MYO7B: variants seen among roughly 807,000 people sequenced by gnomAD.
MYO7B encodes myosin VIIB.
MYO7B carries 212 observed loss-of-function variants against 259.7 expected under a neutral mutation model. That is an observed-to-expected ratio of 0.82 (90% CI 0.73 to 0.91). The LOEUF (loss-of-function observed/expected upper bound fraction) is 0.91, where lower values mean the gene tolerates loss of function less well. Ranked by LOEUF, MYO7B falls within the 40% of genes least tolerant of loss-of-function variation. The pLI is 0.00. For missense variants in MYO7B, 2,732 were observed against 2,813.5 expected (o/e 0.97, Z 0.66); for synonymous variants, 1,197 against 1,166.4 (o/e 1.03, Z -0.54).
chr2:127,631,863 C>G, intron 38 of MYO7B, 110 bp downstream of exon 38: 1 of 1,370,250 alleles, frequency 7.3e-7, no homozygotes, highest in Non-Finnish European at 9.8e-7. Context: ...GGCAGAACCC[C>G]TGCCTGGGCT....
chr2:127,631,798 C>A (rs538624878), intron 38 of MYO7B, 45 bp downstream of exon 38: 2 of 1,592,868 alleles, frequency 1.3e-6, no homozygotes, highest in African/African-American at 1.3e-5. Context: ...CCTCAGTCCT[C>A]ATCCCGGCCC....
Position 127,634,592 on chromosome 2 carries a change from C to A in MYO7B, c.5626-4C>A, listed in dbSNP as rs747563849. The A allele has an allele frequency of 2.5e-6, 4 of 1,610,216 alleles. No individual in the cohort carries two copies. Among genetic ancestry groups the A allele is most frequent in the Non-Finnish European group, 3.4e-6 (4 of 1,178,254 alleles). On this transcript the variant is annotated splice_polypyrimidine_tract_variant and splice_region_variant and intron_variant, in intron 41 of 47. Coordinates refer to ENST00000409816, the MANE Select transcript of MYO7B (RefSeq NM_001393586.1). Reference sequence around the variant, plus strand: ...CAACTTCCCTGTACCTTCCCCTTCCCCAGGTCATCAGCCAGAAGGAGGGAG... The same window carrying A: ...CAACTTCCCTGTACCTTCCCCTTCCACAGGTCATCAGCCAGAAGGAGGGAG...
rs763408270 is a variant in MYO7B at position 127,627,252 on chromosome 2, CAGG to C, written c.4405_4407del (p.Glu1469del). The stretch of plus-strand genomic sequence containing the variant: ...GAAGGGGCTTTGCTTCCTGGACCAG[CAGG>C]AGAAGATGCTGCTGGAACTCTCTTT... On this transcript the variant is annotated inframe_deletion, in exon 33 of 48. Transcript: ENST00000409816. The surrounding 1 kb of genome is among the most constrained non-coding windows in gnomAD (Gnocchi z 5.6). The C allele has an allele frequency of 9.3e-6, 15 of 1,612,252 alleles. No individual in the cohort carries two copies. Among genetic ancestry groups the C allele is most frequent in the African/African-American group, 5.3e-5 (4 of 74,900 alleles).
chr2:127,581,849 C>T, intron 10 of MYO7B, 42 bp from the exon 11 acceptor site: 1 of 1,611,180 alleles, frequency 6.2e-7, no homozygotes, highest in Non-Finnish European at 8.5e-7. Flanking sequence ...TGGGCCAGGC[C>T]CTGCTCCACA....
At chr2:127,620,576 C>G in intron 27 of MYO7B, 110 bp downstream of exon 27, 3 of 1,290,528 alleles carry the variant, frequency 2.3e-6, no homozygotes, top group Non-Finnish European at 3.1e-6. Flanking sequence ...GCCCATTTCT[C>G]CTGCTCCTGC....
At chr2:127,632,164 C>T in intron 38 of MYO7B, 82 bp from the exon 39 acceptor site, 3 of 1,485,518 alleles carry the variant, frequency 2.0e-6, no homozygotes, top group Non-Finnish European at 1.8e-6. Context: ...GCAGCTCTCA[C>T]ATCCGTCCCT....
chr2:127,564,401 AT>A, intron 3 of MYO7B, 135 bp downstream of exon 3: 2 of 605,378 alleles, frequency 3.3e-6, no homozygotes, highest in Non-Finnish European at 5.8e-6. Flanking sequence ...GGCAGGACAG[AT>A]CACGGTGGAG....
Position 127,631,758 on chromosome 2 carries a change from G to A in MYO7B, c.5249+5G>A. The A allele has an allele frequency of 2.5e-6, 4 of 1,611,550 alleles. No homozygotes were observed. Among genetic ancestry groups the A allele is most frequent in the Non-Finnish European group, 3.4e-6 (4 of 1,179,252 alleles). ...GCTGACGCACAACTCCAACAGGTCT[G>A]CTGGGGCGGCGGCCAGCCCACGCGG... On this transcript the variant is annotated splice_donor_5th_base_variant and intron_variant, in intron 38 of 47. Coordinates refer to ENST00000409816, the MANE Select transcript of MYO7B (RefSeq NM_001393586.1).
At chr2:127,565,141 C>A (rs932988949) in intron 3 of MYO7B, 92 bp from the exon 4 acceptor site, 10 of 1,490,304 alleles carry the variant, frequency 6.7e-6, no homozygotes, top group Admixed American at 2.0e-5. Context: ...CGGAAGGTCA[C>A]CTTGCTGCTG....
Position 127,590,721 on chromosome 2 carries a change from C to G in MYO7B, c.1992+492C>G, listed in dbSNP as rs1369836496. ...GGTGAGGGGGTGAGAGCCCACACTC[C>G]CTGCCCACAACGGAGTCCCTGCTCC... On this transcript the variant is annotated intron_variant, in intron 16 of 47. Transcript: ENST00000409816. The surrounding 1 kb of genome is among the most constrained non-coding windows in gnomAD (Gnocchi z 4.6). Among the ~76,000 whole-genome samples the G allele has an allele frequency of 6.6e-6, 1 of 152,214 alleles. No homozygotes were observed.
In MYO7B at chr2:127,576,643, G is replaced by C. The variant is rs1434126912; in HGVS notation, c.784G>C (p.Val262Leu). 2 of 1,612,316 alleles carry C rather than the reference G, an allele frequency of 1.2e-6. No individual in the cohort carries two copies. Among genetic ancestry groups the C allele is most frequent in the African/African-American group, 2.7e-5 (2 of 74,874 alleles). The change falls in exon 8 of 48, where the codon GTG becomes CTG. Residue 262 changes from valine to leucine, a missense_variant. Val to Leu is a conservative substitution (Grantham distance 32). Around this residue, in one of 3 missense-constraint regions of MYO7B, gnomAD observed 1,906 missense variants for 2,026.4 expected, o/e 0.94. Transcript: ENST00000409816. The surrounding 1 kb of genome is among the most constrained non-coding windows in gnomAD (Gnocchi z 4.9). ...YHIFYCMLMG[V>L]SAEDKQLLSL... The stretch of plus-strand genomic sequence containing the variant: ...TATCTTCTACTGCATGCTCATGGGG[G>C]TGAGTGCTGAGGACAAGCAGCTGCT...
In MYO7B at chr2:127,559,386, T is replaced by A. The variant is rs1677972759; in HGVS notation, c.-23-314T>A. On this transcript the variant is annotated intron_variant, in intron 1 of 47. Coordinates refer to ENST00000409816, the MANE Select transcript of MYO7B (RefSeq NM_001393586.1). The surrounding 1 kb of genome is among the most constrained non-coding windows in gnomAD (Gnocchi z 4.1). ...TCCCAAGATGTGTGACGGTGACTGG[T>A]TTTCATGGATATCTGACCAGTTAAA... Among the ~76,000 whole-genome samples the A allele has an allele frequency of 6.6e-6, 1 of 152,128 alleles. No homozygotes were observed. The highest frequency in any genetic ancestry group is 1.5e-5 in the Non-Finnish European group (1 of 68,022).
chr2:127,596,761 A>C (rs1182988616), intron 19 of MYO7B, among the ~76,000 whole-genome samples: 3 of 152,218 alleles, frequency 2.0e-5, no homozygotes, highest in African/African-American at 7.2e-5. Context: ...TGGAAAAAAC[A>C]AAAAAACACT....
chr2:127,635,255 T>G, intron 43 of MYO7B, 29 bp downstream of exon 43: 1 of 1,568,514 alleles, frequency 6.4e-7, no homozygotes, highest in African/African-American at 1.3e-5. Flanking sequence ...TGGTGGGCAC[T>G]GGGGCCACCC....
rs756463729 is a variant in MYO7B, at chr2:127,609,757, G to C, written c.3024+42G>C. ...GCTTCTAGTGGATCAGGCCAGCCCC[G>C]AGCCTGGGGTGTGAGCTATGGCTCG... On this transcript the variant is annotated intron_variant, in intron 23 of 47. Coordinates refer to ENST00000409816, the MANE Select transcript of MYO7B (RefSeq NM_001393586.1). The surrounding 1 kb of genome is among the most constrained non-coding windows in gnomAD (Gnocchi z 6.9). The C allele has an allele frequency of 6.2e-7, 1 of 1,612,430 alleles. No homozygotes were observed. Among genetic ancestry groups the C allele is most frequent in the Non-Finnish European group, 8.5e-7 (1 of 1,178,670 alleles).
rs1429770477 is a variant in MYO7B, at chr2:127,628,496, T to C, written c.4585T>C (p.Ser1529Pro). Reference protein sequence around the residue: ...ALFLEGLKERSIFAMALQDRK... With the variant: ...ALFLEGLKERPIFAMALQDRK... Reference sequence around the variant, plus strand: ...GTTCCTGGAGGGCCTGAAGGAGAGGTCCATTTTCGCCATGGCCCTGCAGGA... The same window carrying C: ...GTTCCTGGAGGGCCTGAAGGAGAGGCCCATTTTCGCCATGGCCCTGCAGGA... Residue 1529 changes from serine (S) to proline (P), a missense_variant, in exon 34 of 48, where the codon TCC becomes CCC. Physicochemically the swap from Ser to Pro is moderately conservative, Grantham distance 74 (BLOSUM62 -1). Transcript: ENST00000409816. The surrounding 1 kb of genome is among the most constrained non-coding windows in gnomAD (Gnocchi z 4.8). 6.6e-7 allele frequency: 1 copy of C among 1,524,806 alleles called. No individual in the cohort carries two copies. The highest frequency in any genetic ancestry group is 8.8e-7 in the Non-Finnish European group (1 of 1,141,068). 94.5% of individuals were successfully genotyped at this position (1,524,806 alleles called of 1,614,324 possible). A position where few individuals can be genotyped will look rare whatever the true frequency, so the allele number is the denominator to read the frequency against.
At chr2:127,612,429 G>A in intron 25 of MYO7B, 47 bp from the exon 26 acceptor site, 1 of 1,550,682 alleles carries the variant, frequency 6.4e-7, no homozygotes, top group Non-Finnish European at 8.7e-7. Context: ...CTACTTGGCA[G>A]ATGGGGAGAA....
chr2:127,573,897 G>A, intron 6 of MYO7B, 23 bp from the exon 7 acceptor site: 1 of 1,613,874 alleles, frequency 6.2e-7, no homozygotes, highest in Non-Finnish European at 8.5e-7. Flanking sequence ...CTCCCATCAT[G>A]GGCATCGCCC....
chr2:127,589,890 G>A (rs1462924311), intron 15 of MYO7B, among the ~76,000 whole-genome samples: 1 of 141,312 alleles, frequency 7.1e-6, no homozygotes, highest in Non-Finnish European at 1.6e-5. Flanking sequence ...ATGGATAGGT[G>A]TGTGAGTGGA....
Sources: allele counts gnomAD v4.1 joint callset (sites outside exome capture counted in the v4.1 genomes callset), GRCh38; gene constraint gnomAD v4.1.1; regional missense constraint gnomAD v4.1.1; non-coding constraint Gnocchi (gnomAD v3.1); transcripts MANE v1.5; gene names NCBI Gene and HGNC (gene_info 2026-07-23, HGNC 2026-07-21).